Variants in LPIN1 observed in about 807,000 individuals in gnomAD.
The protein encoded by LPIN1 is phosphatidate phosphatase LPIN1.
Under a neutral mutation model 107.5 loss-of-function variants are expected in LPIN1, and 71 were observed. That is an observed-to-expected ratio of 0.66 (90% CI 0.55 to 0.80). LPIN1 has a LOEUF of 0.80. Ranked by LOEUF, LPIN1 falls within the 30% of genes least tolerant of loss-of-function variation. LPIN1 has a pLI of 0.00. For missense variants in LPIN1, 1,043 were observed against 1,160.6 expected, an observed-to-expected ratio of 0.90 and a Z score of 1.47; for synonymous variants, 445 against 452.6, an observed-to-expected ratio of 0.98 and a Z score of 0.21.
At position 11,824,890 on chromosome 2, in the gene LPIN1, C is replaced by T. The variant is rs886054800; in HGVS notation, c.*99C>T. ...TGCACAGCTCCACCTGGGAGCCTGGCGCGTCATCATTGGCCTGACAGCAGA... is the reference window on the plus strand; with the variant it reads ...TGCACAGCTCCACCTGGGAGCCTGGTGCGTCATCATTGGCCTGACAGCAGA... On this transcript the variant is annotated 3_prime_UTR_variant, in exon 21 of 21. Coordinates refer to ENST00000674199, the MANE Select transcript of LPIN1 (RefSeq NM_001349206.2). 2.8e-5 allele frequency: 38 copies of T among 1,376,510 alleles called. No individual in the cohort carries two copies. In the Admixed American group the frequency reaches 4.0e-4, roughly 15 times the overall value. 85.3% of individuals were successfully genotyped at this position (1,376,510 alleles called of 1,614,324 possible). A position where few individuals can be genotyped will look rare whatever the true frequency, so the allele number is the denominator to read the frequency against.
rs1011544839 is a variant in LPIN1 at position 11,779,743 on chromosome 2, C to A, written c.957+98C>A. The A allele has an allele frequency of 1.1e-5, 17 of 1,543,766 alleles. No individual in the cohort carries two copies. In the African/African-American group the frequency reaches 1.8e-4, roughly 16 times the overall value. The stretch of plus-strand genomic sequence containing the variant: ...TAGCATAGCCAAGAAACACAGCTAC[C>A]AGGAGCCAGAGGTAAACCAAAATAT... On this transcript the variant is annotated intron_variant, in intron 7 of 20. Coordinates refer to ENST00000674199, the MANE Select transcript of LPIN1 (RefSeq NM_001349206.2).
At chr2:11,710,777 T>C (rs1274151884) in intron 1 of LPIN1, among the ~76,000 whole-genome samples, 1 of 152,190 alleles carries the variant, frequency 6.6e-6, no homozygotes, top group Non-Finnish European at 1.5e-5. Context: ...GGTTCATTTT[T>C]GGCTTCCACC....
At chr2:11,798,313 T>C (rs556592671) in intron 14 of LPIN1, among the ~76,000 whole-genome samples, 1 of 152,288 alleles carries the variant, frequency 6.6e-6, no homozygotes, top group African/African-American at 2.4e-5. Context: ...GAGTTAGGTT[T>C]ACAAGGGAGG....
Position 11,771,760 on chromosome 2 carries a change from C to A in LPIN1, c.596+81C>A. On this transcript the variant is annotated intron_variant, in intron 4 of 20. Coordinates refer to ENST00000674199, the MANE Select transcript of LPIN1 (RefSeq NM_001349206.2). The surrounding 1 kb of genome is among the most constrained non-coding windows in gnomAD (Gnocchi z 4.8). ...AGATTATTTTTATGAACTTTTCCCC[C>A]ATAATTCCTTATTCTTTTATGTGTT... The A allele has an allele frequency of 1.4e-6, 2 of 1,391,338 alleles. No individual in the cohort carries two copies. Among genetic ancestry groups the A allele is most frequent in the Non-Finnish European group, 2.0e-6 (2 of 1,015,196 alleles). The allele number at this position is 1,391,338 out of a possible 1,614,324, so 86.2% of individuals were successfully genotyped here. A position where few individuals can be genotyped will look rare whatever the true frequency, so the allele number is the denominator to read the frequency against.
At chr2:11,819,683 A>G in intron 19 of LPIN1, 85 bp downstream of exon 19, 1 of 984,484 alleles carries the variant, frequency 1.0e-6, no homozygotes, top group East Asian at 2.4e-5. Flanking sequence ...TCCGAGAACC[A>G]TATGTAGAGT....
At chr2:11,759,133 T>TTTTCTTTCTTTCTTTCTTTCTTTCTTTC (rs201897285) in intron 1 of LPIN1, among the ~76,000 whole-genome samples, 1 of 131,534 alleles carries the variant, frequency 7.6e-6, no homozygotes, top group African/African-American at 2.9e-5. Context: ...GCTTTCTTTC[T>TTTTCTTTCTTTCTTTCTTTCTTTCTTTC]TTTCTTTCTT....
intron 1 of LPIN1, among the ~76,000 whole-genome samples, chr2:11,705,322 G>A (rs1663074129): frequency 6.6e-6 from 1 of 152,166 alleles, no homozygotes; most frequent in African/African-American, 2.4e-5. Flanking sequence ...CATTCAACAA[G>A]TGCTTATTGA....
At chr2:11,683,629 T>C (rs574423046) in intron 1 of LPIN1, among the ~76,000 whole-genome samples, 78 of 152,306 alleles carry the variant, frequency 5.1e-4, no homozygotes, top group Non-Finnish European at 1.0e-3. Flanking sequence ...TCCTGCCTCC[T>C]CCTGGACTCT....
chr2:11,788,530 C>CTACAGAGTTAATTCT (rs1675079176), intron 12 of LPIN1, 74 bp downstream of exon 12: 1 of 1,194,814 alleles, frequency 8.4e-7, no homozygotes, highest in Admixed American at 1.7e-5. Flanking sequence ...GTTGGAATTT[C>CTACAGAGTTAATTCT]ACTTTTATTT....
intron 1 of LPIN1, among the ~76,000 whole-genome samples, chr2:11,755,165 C>A (rs1572592394): frequency 6.6e-6 from 1 of 152,028 alleles, no homozygotes; most frequent in African/African-American, 2.4e-5. Context: ...GACGGGGTTT[C>A]ACCATGTTAG....
chr2:11,730,256 G>T (rs897424957), intron 1 of LPIN1, among the ~76,000 whole-genome samples: 5 of 152,142 alleles, frequency 3.3e-5, no homozygotes, highest in African/African-American at 1.2e-4. Context: ...TCCCTGCACT[G>T]AGTTTCCTGA....
At chr2:11,730,103 C>T (rs928431757) in intron 1 of LPIN1, among the ~76,000 whole-genome samples, 4 of 151,980 alleles carry the variant, frequency 2.6e-5, no homozygotes, top group Admixed American at 6.6e-5. Flanking sequence ...CCTTAGATTC[C>T]ATTTCACGTA....
At chr2:11,805,845 G>T (rs1483784076) in intron 17 of LPIN1, among the ~76,000 whole-genome samples, 1 of 152,162 alleles carries the variant, frequency 6.6e-6, no homozygotes, top group Non-Finnish European at 1.5e-5. Flanking sequence ...CATTGCTCTC[G>T]TCTGCCTCCA....
At chr2:11,813,237 T>C (rs1270794368) in intron 17 of LPIN1, among the ~76,000 whole-genome samples, 1 of 152,184 alleles carries the variant, frequency 6.6e-6, no homozygotes, top group Non-Finnish European at 1.5e-5. Context: ...ACGGGGTCCA[T>C]GCATTTGGGA....
chr2:11,719,066 T>A (rs1663945592), intron 2 of LPIN1, among the ~76,000 whole-genome samples: 1 of 152,234 alleles, frequency 6.6e-6, no homozygotes, highest in African/African-American at 2.4e-5. Flanking sequence ...TCTTTTTTTG[T>A]TCTCTAATTA....
At chr2:11,716,228 A>C (rs2148528523) in intron 2 of LPIN1, among the ~76,000 whole-genome samples, 1 of 152,258 alleles carries the variant, frequency 6.6e-6, no homozygotes, top group Middle Eastern at 3.4e-3. Flanking sequence ...GGCATCAGGC[A>C]GGCTTCCAAC....
At position 11,779,641 on chromosome 2, in the gene LPIN1, C is replaced by G; in HGVS notation, c.953C>G (p.Ala318Gly). The G allele has an allele frequency of 6.2e-7, 1 of 1,613,954 alleles. No homozygotes were observed. ...LWLWGELPQA[A>G]KSSSPHKMKE... ...CTGTGGGGAGAGCTGCCGCAGGCTG[C>G]TAAGGTGAGAGTCTCTTCAATTCTG... The change falls in exon 7 of 21, where the codon GCT (alanine) becomes GGT (glycine). Residue 318 changes from alanine to glycine, a missense_variant. Coordinates refer to ENST00000674199, the MANE Select transcript of LPIN1 (RefSeq NM_001349206.2).
Position 11,771,776 on chromosome 2 carries a change from T to G in LPIN1, c.596+97T>G. On this transcript the variant is annotated intron_variant, in intron 4 of 20. Coordinates refer to ENST00000674199, the MANE Select transcript of LPIN1 (RefSeq NM_001349206.2). The surrounding 1 kb of genome is among the most constrained non-coding windows in gnomAD (Gnocchi z 4.8). The stretch of plus-strand genomic sequence containing the variant: ...CTTTTCCCCCATAATTCCTTATTCT[T>G]TTATGTGTTTTAGACCAGTGGTCCC... 1 of 1,316,132 alleles carries G rather than the reference T, an allele frequency of 7.6e-7. No homozygotes were observed. Among genetic ancestry groups the G allele is most frequent in the Non-Finnish European group, 1.0e-6 (1 of 954,626 alleles). The allele number at this position is 1,316,132 out of a possible 1,614,324, so 81.5% of individuals were successfully genotyped here.
chr2:11,689,730 C>T (rs982281311), intron 1 of LPIN1, among the ~76,000 whole-genome samples: 32 of 152,092 alleles, frequency 2.1e-4, no homozygotes, highest in Non-Finnish European at 4.6e-4. Flanking sequence ...ATGGCGAAAC[C>T]CCATCTCTAC....
Sources: gnomAD v4.1 joint callset for allele counts (sites outside exome capture counted in the v4.1 genomes callset) on GRCh38, gnomAD v4.1.1 for gene constraint, Gnocchi (gnomAD v3.1) non-coding constraint, MANE v1.5 for transcripts, NCBI Gene and HGNC (gene_info 2026-07-23, HGNC 2026-07-21) for gene names.